Variants in BTBD9 observed in about 807,000 individuals in gnomAD.
BTBD9 encodes BTB domain containing 9, also known as BTB/POZ domain-containing protein 9.
Under a neutral mutation model 64.3 loss-of-function variants are expected in BTBD9, and 49 were observed. The ratio of observed to expected loss-of-function variants is 0.76; its 90% confidence interval spans 0.61 to 0.97. BTBD9 has a LOEUF of 0.97. BTBD9 is among the 50% of genes least tolerant of loss of function. The pLI, the probability that BTBD9 is intolerant of heterozygous loss-of-function variation, is 0.00. For synonymous variants in BTBD9, 260 were observed against 274.7 expected, an observed-to-expected ratio of 0.95 and a Z score of 0.53; for missense variants, 598 against 762.1, an observed-to-expected ratio of 0.78 and a Z score of 2.53.
At chr6:38,377,893 AAAAG>A (rs1308168303) in intron 6 of BTBD9, among the ~76,000 whole-genome samples, 1 of 152,188 alleles carries the variant, frequency 6.6e-6, no homozygotes, top group Admixed American at 6.5e-5. Flanking sequence ...TTCTTCCTTA[AAAAG>A]AAATCTTTAG....
Position 38,486,210 on chromosome 6 carries a change from C to T in BTBD9, c.1154+91390G>A, listed in dbSNP as rs1771405736. On this transcript the variant is annotated intron_variant, in intron 6 of 10. Transcript: ENST00000481247. ...GCTTTGGCTTTAGGGAATGTTGTGG[C>T]TGGTTTGGTCTTCTATCCATACCCA... Among the ~76,000 whole-genome samples, 3 of 152,348 alleles carry T rather than the reference C, an allele frequency of 2.0e-5. 1 individual carries two copies. The highest frequency in any genetic ancestry group is 4.8e-5 in the African/African-American group (2 of 41,570).
chr6:38,542,816 A>C (rs1774348938), intron 6 of BTBD9, among the ~76,000 whole-genome samples: 2 of 152,150 alleles, frequency 1.3e-5, no homozygotes, highest in African/African-American at 4.8e-5. Flanking sequence ...GGCCCAAAGA[A>C]AGTTGCTATT....
At chr6:38,332,737 T>C (rs1763730103) in intron 7 of BTBD9, among the ~76,000 whole-genome samples, 1 of 152,224 alleles carries the variant, frequency 6.6e-6, no homozygotes, top group African/African-American at 2.4e-5. Flanking sequence ...GTAGTAGTAC[T>C]GTATTAAATT....
At chr6:38,609,005 C>T (rs996922092) in intron 1 of BTBD9, among the ~76,000 whole-genome samples, 1 of 152,124 alleles carries the variant, frequency 6.6e-6, no homozygotes, top group African/African-American at 2.4e-5. Flanking sequence ...CTGTCCAAAA[C>T]CTACAGCCAT....
At chr6:38,190,931 AG>A (rs1268903475) in intron 10 of BTBD9, among the ~76,000 whole-genome samples, 1 of 152,186 alleles carries the variant, frequency 6.6e-6, no homozygotes, top group Non-Finnish European at 1.5e-5. Flanking sequence ...ACAAAATTTC[AG>A]GGTTCCATTT....
At chr6:38,380,616 G>T (rs1765886826) in intron 6 of BTBD9, among the ~76,000 whole-genome samples, 1 of 152,214 alleles carries the variant, frequency 6.6e-6, no homozygotes, top group Non-Finnish European at 1.5e-5. Flanking sequence ...GTATACTTGA[G>T]GCCAAGAGTT....
In BTBD9 at chr6:38,438,365, G is replaced by A. The variant is rs74364259; in HGVS notation, c.1155-93272C>T. 5.2e-3 allele frequency among the ~76,000 whole-genome samples: 787 copies of A among 152,286 alleles called. 4 individuals are homozygous for A. The highest frequency in any genetic ancestry group is 0.018 in the African/African-American group (732 of 41,546). ...CATAAGCCTGGGCAGCAGAAAAACC[G>A]TTGAAGTGGAGAAATGGTACAAGGT... On this transcript the variant is annotated intron_variant, in intron 6 of 10. Transcript: ENST00000481247.
rs146838519 is a variant in BTBD9 at position 38,532,261 on chromosome 6, G to A, written c.1154+45339C>T. Among the ~76,000 whole-genome samples, 4 of 152,298 alleles carry A rather than the reference G, an allele frequency of 2.6e-5. 1 individual carries two copies. In the East Asian group the frequency reaches 7.7e-4, roughly 29 times the overall value. Reference sequence around the variant, plus strand: ...GCATTTAGACCAGTCCTAGCCAGAGGGGAATTGCCAATCCCGGCAGTCAGA... The same window carrying A: ...GCATTTAGACCAGTCCTAGCCAGAGAGGAATTGCCAATCCCGGCAGTCAGA... On this transcript the variant is annotated intron_variant, in intron 6 of 10. Transcript: ENST00000481247.
rs1259752371 is a variant in BTBD9 at position 38,170,212 on chromosome 6, T to C, written c.*4773A>G. 5 of 152,214 alleles carry C rather than the reference T, an allele frequency of 3.3e-5. No homozygotes were observed. Among genetic ancestry groups the C allele is most frequent in the Non-Finnish European group, 7.3e-5 (5 of 68,072 alleles). The allele number at this position is 152,214 out of a possible 1,614,324, so 9.4% of individuals were successfully genotyped here. ...AAAGAGAACAGTGATTTTCAAACAA[T>C]GGTGTGTCGGGTGGGGCGGCTCTTC... On this transcript the variant is annotated 3_prime_UTR_variant, in exon 11 of 11. Coordinates refer to ENST00000481247, the MANE Select transcript of BTBD9 (RefSeq NM_001099272.2).
intron 6 of BTBD9, among the ~76,000 whole-genome samples, chr6:38,417,797 AG>A (rs906539434): frequency 2.7e-4 from 28 of 103,348 alleles, no homozygotes; most frequent in African/African-American, 8.7e-4. Flanking sequence ...AGAGAGAGAG[AG>A]AGAAAAAAAA....
intron 6 of BTBD9, among the ~76,000 whole-genome samples, chr6:38,407,929 T>C (rs1031792268): frequency 4.2e-4 from 64 of 152,200 alleles, no homozygotes; most frequent in African/African-American, 1.3e-3. Context: ...TATAATCAGA[T>C]CAAAGGAAAG....
chr6:38,490,560 TCCA>T (rs1252370399), intron 6 of BTBD9, among the ~76,000 whole-genome samples: 1 of 152,118 alleles, frequency 6.6e-6, no homozygotes, highest in Non-Finnish European at 1.5e-5. Flanking sequence ...CCTCAGGTGA[TCCA>T]CCCGCCTCAG....
At chr6:38,590,757 T>A (rs1221902397) in intron 4 of BTBD9, among the ~76,000 whole-genome samples, 4 of 152,188 alleles carry the variant, frequency 2.6e-5, no homozygotes, top group African/African-American at 9.7e-5. Flanking sequence ...GTAGACATCA[T>A]AGTGTGTCAC....
intron 6 of BTBD9, among the ~76,000 whole-genome samples, chr6:38,365,758 C>CAAAA (rs34375597): frequency 1.7e-5 from 2 of 115,860 alleles, no homozygotes; most frequent in Non-Finnish European, 3.7e-5. Context: ...GATCCTGACT[C>CAAAA]AAAAAAAAAA....
At chr6:38,226,182 G>T (rs1763386549) in intron 9 of BTBD9, among the ~76,000 whole-genome samples, 1 of 152,192 alleles carries the variant, frequency 6.6e-6, no homozygotes, top group Non-Finnish European at 1.5e-5. Flanking sequence ...ACTAGGATAG[G>T]TCACCTTAGG....
intron 6 of BTBD9, among the ~76,000 whole-genome samples, chr6:38,563,938 C>T (rs1278371239): frequency 3.9e-5 from 6 of 152,156 alleles, no homozygotes; most frequent in South Asian, 4.2e-4. Context: ...CCCGCCACCA[C>T]GCCTGGCTAA....
At chr6:38,198,438 A>G (rs1432431395) in intron 9 of BTBD9, among the ~76,000 whole-genome samples, 2 of 152,186 alleles carry the variant, frequency 1.3e-5, no homozygotes, top group African/African-American at 4.8e-5. Flanking sequence ...GATGATAAGG[A>G]CACTGCACAG....
intron 6 of BTBD9, among the ~76,000 whole-genome samples, chr6:38,539,765 TA>T (rs1774184916): frequency 6.6e-6 from 1 of 152,174 alleles, no homozygotes; most frequent in Non-Finnish European, 1.5e-5. Flanking sequence ...AAATAGAAAG[TA>T]AACCAATTGT....
chr6:38,595,096 T>C (rs1464970128), intron 2 of BTBD9, among the ~76,000 whole-genome samples: 2 of 152,214 alleles, frequency 1.3e-5, no homozygotes, highest in African/African-American at 2.4e-5. Flanking sequence ...GTCCAGGATA[T>C]GGTAGGCAAG....
Sources: gnomAD v4.1 joint callset for allele counts (sites outside exome capture counted in the v4.1 genomes callset) on GRCh38, gnomAD v4.1.1 for gene constraint, MANE v1.5 for transcripts, NCBI Gene and HGNC (gene_info 2026-07-23, HGNC 2026-07-21) for gene names.